Variants in SEPTIN5 observed in about 807,000 individuals in gnomAD.
SEPTIN5 encodes the protein septin 5.
Under a neutral mutation model 51.2 loss-of-function variants are expected in SEPTIN5, and 16 were observed. The observed-to-expected ratio is 0.31, with a 90% confidence interval of 0.21 to 0.47. The LOEUF is 0.47. Among genes scored for constraint, SEPTIN5 ranks in the 20% least tolerant of loss-of-function variants. SEPTIN5 has a pLI of 0.99. For synonymous variants in SEPTIN5, 208 were observed against 191.2 expected (o/e 1.09, Z -0.72); for missense variants, 376 against 500.3 (o/e 0.75, Z 2.37).
chr22:19,718,415 C>T (rs1161951201), intron 2 of SEPTIN5: 11 of 1,054,730 alleles, frequency 1.0e-5, no homozygotes, highest in African/African-American at 3.4e-5. Flanking sequence ...GTCTCTGCCG[C>T]CCCCCGCCGC....
chr22:19,722,184 G>A (rs1348029372), intron 10 of SEPTIN5, 53 bp from the exon 11 acceptor site: 6 of 1,369,036 alleles, frequency 4.4e-6, no homozygotes, highest in Non-Finnish European at 6.0e-6. Flanking sequence ...GCCAGCCCAC[G>A]CTGAGCCTCC....
intron 4 of SEPTIN5, 64 bp from the exon 5 acceptor site, chr22:19,720,051 C>G: frequency 1.9e-6 from 3 of 1,610,204 alleles, no homozygotes; most frequent in South Asian, 1.1e-5. Context: ...GGACGAGGGT[C>G]CTGGCTGCCA....
chr22:19,720,045 G>A (rs987111124), intron 4 of SEPTIN5, 70 bp from the exon 5 acceptor site: 19 of 1,609,612 alleles, frequency 1.2e-5, no homozygotes, highest in South Asian at 2.2e-5. Flanking sequence ...GGATGAGGAC[G>A]AGGGTCCTGG....
At position 19,719,637 on chromosome 22, in the gene SEPTIN5, G is replaced by A; in HGVS notation, c.90G>A (p.Leu30=). ...AGCAGTACGTGGGCTTCGCCACACTGCCCAACCAGGTGCACCGCAAGTCGG... is the reference window on the plus strand; with the variant it reads ...AGCAGTACGTGGGCTTCGCCACACTACCCAACCAGGTGCACCGCAAGTCGG... ...IDKQYVGFAT[L]PNQVHRKSVK... The change falls in exon 3 of 12, where the codon CTG becomes CTA. Residue 30 remains leucine, a synonymous_variant. Transcript: ENST00000455784. The A allele has an allele frequency of 2.5e-6, 4 of 1,613,008 alleles. No homozygotes were observed. The highest frequency in any genetic ancestry group is 3.4e-6 in the Non-Finnish European group (4 of 1,179,936).
At position 19,714,727 on chromosome 22, in the gene SEPTIN5, G is replaced by A; in HGVS notation, c.44-54G>A. The A allele has an allele frequency of 6.4e-7, 1 of 1,565,466 alleles. No individual in the cohort carries two copies. The highest frequency in any genetic ancestry group is 8.6e-7 in the Non-Finnish European group (1 of 1,162,890). ...CTCTCCGTCTCTCCCCCGCCCGCCG[G>A]CCCGGACCCGCTCGGAACCGGACCC... On this transcript the variant is annotated intron_variant, in intron 1 of 11. Transcript: ENST00000455784. This position sits in a 1 kb window ranked among gnomAD's most constrained non-coding sequence, Gnocchi z 5.2.
Position 19,722,561 on chromosome 22 carries a change from G to A in SEPTIN5, c.*77G>A. ...CACCAGACCGGACTGTTCCCGACCC[G>A]GAGACGCGGGGCCACAGCCCCCAGC... On this transcript the variant is annotated 3_prime_UTR_variant, in exon 12 of 12. Coordinates refer to ENST00000455784, the MANE Select transcript of SEPTIN5 (RefSeq NM_002688.6). 1.4e-6 allele frequency: 2 copies of A among 1,444,780 alleles called. No homozygotes were observed. The highest frequency in any genetic ancestry group is 1.9e-6 in the Non-Finnish European group (2 of 1,055,252). 89.5% of individuals were successfully genotyped at this position (1,444,780 alleles called of 1,614,324 possible). A position where few individuals can be genotyped will look rare whatever the true frequency, so the allele number is the denominator to read the frequency against.
Position 19,714,540 on chromosome 22 carries a change from C to A in SEPTIN5, c.-49C>A, listed in dbSNP as rs748577076. 10 of 1,306,220 alleles carry A rather than the reference C, an allele frequency of 7.7e-6. No individual in the cohort carries two copies. In the African/African-American group the frequency reaches 1.3e-4, roughly 16 times the overall value. 80.9% of individuals were successfully genotyped at this position (1,306,220 alleles called of 1,614,324 possible). A position where few individuals can be genotyped will look rare whatever the true frequency, so the allele number is the denominator to read the frequency against. ...GGCCTCGGCCTCCGCCGCTTGTCGT[C>A]GCGCCCCGCCCGCGAGCCCGCCCCG... On this transcript the variant is annotated 5_prime_UTR_variant, in exon 1 of 12. Coordinates refer to ENST00000455784, the MANE Select transcript of SEPTIN5 (RefSeq NM_002688.6). The surrounding 1 kb of genome is among the most constrained non-coding windows in gnomAD (Gnocchi z 5.2).
chr22:19,718,921 G>C, intron 2 of SEPTIN5: 10 of 1,151,174 alleles, frequency 8.7e-6, no homozygotes, highest in Non-Finnish European at 1.1e-5. Context: ...CAGCGCCTAG[G>C]CTCAGCCCTT....
Position 19,719,501 on chromosome 22 carries a change from C to T in SEPTIN5, c.55-101C>T, listed in dbSNP as rs1275478801. On this transcript the variant is annotated intron_variant, in intron 2 of 11. Coordinates refer to ENST00000455784, the MANE Select transcript of SEPTIN5 (RefSeq NM_002688.6). ...CAACGAAATGCCCCACCCTGGGAAC[C>T]GTACCCTCTGCTGTCTCCTCATACC... is the stretch of plus-strand genomic sequence containing the variant. 6 of 945,844 alleles carry T rather than the reference C, an allele frequency of 6.3e-6. No individual in the cohort carries two copies. The East Asian group carries it at 1.1e-4, about 17-fold the overall frequency. The allele number at this position is 945,844 out of a possible 1,614,324, so 58.6% of individuals were successfully genotyped here. A position where few individuals can be genotyped will look rare whatever the true frequency, so the allele number is the denominator to read the frequency against.
chr22:19,720,544 G>A lies in SEPTIN5; in HGVS notation c.498-5G>A, dbSNP rs755067985. 7 of 1,613,046 alleles carry A rather than the reference G, an allele frequency of 4.3e-6. No individual in the cohort carries two copies. In the African/African-American group the frequency reaches 5.3e-5, roughly 12 times the overall value. On this transcript the variant is annotated splice_polypyrimidine_tract_variant and splice_region_variant and intron_variant, in intron 6 of 11. Transcript: ENST00000455784. ...CCTATGCCCACCCTTGGCTGCTCTC[G>A]GCAGGCTGCGGCCAGTGGATGTGGG...
intron 2 of SEPTIN5, chr22:19,718,690 C>A (rs1035323872): frequency 7.8e-7 from 1 of 1,274,340 alleles, no homozygotes; most frequent in African/African-American, 1.5e-5. Context: ...GGCGGCCTGA[C>A]CGGGCCTGGG....
At position 19,723,041 on chromosome 22, in the gene SEPTIN5, G is replaced by T; in HGVS notation, c.*557G>T. 1 of 481,108 alleles carries T rather than the reference G, an allele frequency of 2.1e-6. No individual in the cohort carries two copies. Among genetic ancestry groups the T allele is most frequent in the Non-Finnish European group, 4.0e-6 (1 of 251,380 alleles). The allele number at this position is 481,108 out of a possible 1,614,324, so 29.8% of individuals were successfully genotyped here. A position where few individuals can be genotyped will look rare whatever the true frequency, so the allele number is the denominator to read the frequency against. On this transcript the variant is annotated 3_prime_UTR_variant, in exon 12 of 12. Transcript: ENST00000455784. ...GAGGCCAGAGGCTGCAAGGAGCGGGGTCGTGACCGCTTACACCCCTTCTCC... is the reference window on the plus strand; with the variant it reads ...GAGGCCAGAGGCTGCAAGGAGCGGGTTCGTGACCGCTTACACCCCTTCTCC...
Position 19,722,937 on chromosome 22 carries a change from CG to C in SEPTIN5, c.*456del. On this transcript the variant is annotated 3_prime_UTR_variant, in exon 12 of 12. Coordinates refer to ENST00000455784, the MANE Select transcript of SEPTIN5 (RefSeq NM_002688.6). ...GCTGAGACCCCATTTTCTGTCGAGG[CG>C]GGCCGAGTCTTCCCTTATCCCCAGA... 1 of 441,728 alleles carries C rather than the reference CG, an allele frequency of 2.3e-6. No homozygotes were observed. The highest frequency in any genetic ancestry group is 2.1e-5 in the South Asian group (1 of 47,722). 27.4% of individuals were successfully genotyped at this position (441,728 alleles called of 1,614,324 possible). A position where few individuals can be genotyped will look rare whatever the true frequency, so the allele number is the denominator to read the frequency against.
intron 8 of SEPTIN5, among the ~76,000 whole-genome samples, chr22:19,721,223 C>T (rs1169769817): frequency 6.6e-6 from 1 of 152,224 alleles, no homozygotes; most frequent in Non-Finnish European, 1.5e-5. Flanking sequence ...CACCCTGGCT[C>T]CCAGATTTCT....
At position 19,720,418 on chromosome 22, in the gene SEPTIN5, A is replaced by G; in HGVS notation, c.461A>G (p.His154Arg). 6.2e-7 allele frequency: 1 copy of G among 1,613,992 alleles called. No individual in the cohort carries two copies. Among genetic ancestry groups the G allele is most frequent in the Non-Finnish European group, 8.5e-7 (1 of 1,180,012 alleles). The change falls in exon 6 of 12, where the codon CAC becomes CGC. Residue 154 changes from histidine to arginine, a missense_variant. By Grantham distance (29) the His-to-Arg change is conservative. Transcript: ENST00000455784. Reference sequence around the variant, plus strand: ...AAGAACATCCAAGACAACCGAGTGCACTGCTGCCTATACTTCATCTCCCCC... The same window carrying G: ...AAGAACATCCAAGACAACCGAGTGCGCTGCTGCCTATACTTCATCTCCCCC... ...NRKNIQDNRV[H>R]CCLYFISPFG...
Position 19,717,459 on chromosome 22 carries a change from G to C in SEPTIN5, c.55-2143G>C, listed in dbSNP as rs1437772610. The C allele has an allele frequency of 1.7e-5, 7 of 413,870 alleles. No individual in the cohort carries two copies. In the Admixed American group the frequency reaches 2.0e-4, roughly 12 times the overall value. 25.6% of individuals were successfully genotyped at this position (413,870 alleles called of 1,614,324 possible). ...GGGTCAGAGCTGGTGAGGATGCTCA[G>C]AGGGCAAGGGAATGTCCACAGAAGC... On this transcript the variant is annotated intron_variant, in intron 2 of 11. Coordinates refer to ENST00000455784, the MANE Select transcript of SEPTIN5 (RefSeq NM_002688.6).
intron 2 of SEPTIN5, chr22:19,718,670 G>T: frequency 2.3e-6 from 3 of 1,286,562 alleles, no homozygotes; most frequent in Non-Finnish European, 3.0e-6. Context: ...CCTCGCTGTC[G>T]CCGGGCTCTG....
chr22:19,722,231 G>A lies in SEPTIN5; in HGVS notation c.951-6G>A, dbSNP rs1416037677. On this transcript the variant is annotated splice_polypyrimidine_tract_variant and splice_region_variant and intron_variant, in intron 10 of 11. Coordinates refer to ENST00000455784, the MANE Select transcript of SEPTIN5 (RefSeq NM_002688.6). ...CCCCGCCCATCCTCCCCCCCGCCCCGCGCAGCAAACTGACCCAGGACAGCC... is the reference window on the plus strand; with the variant it reads ...CCCCGCCCATCCTCCCCCCCGCCCCACGCAGCAAACTGACCCAGGACAGCC... The A allele has an allele frequency of 3.1e-6, 4 of 1,286,988 alleles. No individual in the cohort carries two copies. Among genetic ancestry groups the A allele is most frequent in the East Asian group, 2.4e-5 (1 of 42,122 alleles). The allele number at this position is 1,286,988 out of a possible 1,614,324, so 79.7% of individuals were successfully genotyped here.
rs776049049 is a variant in SEPTIN5, at chr22:19,722,279, C to G, written c.993C>G (p.Ile331Met). 15 of 1,611,230 alleles carry G rather than the reference C, an allele frequency of 9.3e-6. No homozygotes were observed. The highest frequency in any genetic ancestry group is 1.2e-5 in the Non-Finnish European group (14 of 1,179,352). The change falls in exon 11 of 12, where the codon ATC (isoleucine) becomes ATG (methionine). Residue 331 changes from isoleucine (I) to methionine (M), a missense_variant. This residue lies in a region of SEPTIN5 where 89 missense variants were observed against 83.3 expected (regional missense o/e 1.07). Transcript: ENST00000455784. ...GCCGCATGGAGAGCCCCATCCCGAT[C>G]CTGCCGCTGCCCACCCCGGACGCCG... ...QDSRMESPIP[I>M]LPLPTPDAET...
Sources: gnomAD v4.1 joint callset for allele counts (sites outside exome capture counted in the v4.1 genomes callset) on GRCh38, gnomAD v4.1.1 for gene constraint, gnomAD v4.1.1 regional missense constraint, Gnocchi (gnomAD v3.1) non-coding constraint, MANE v1.5 for transcripts, NCBI Gene and HGNC (gene_info 2026-07-23, HGNC 2026-07-21) for gene names.